Variants in DCUN1D5 observed in about 807,000 individuals in gnomAD.
The protein encoded by DCUN1D5 is defective in cullin neddylation 1 domain containing 5, also known as DCN1-like protein 5.
In DCUN1D5, 10 loss-of-function variants were observed where a neutral mutation model predicts 38.3. The observed-to-expected ratio is 0.26, with a 90% CI of 0.16 to 0.44. The LOEUF is 0.44. Among genes scored for constraint, DCUN1D5 ranks in the 20% least tolerant of loss-of-function variants. DCUN1D5 has a pLI of 1.00. For missense variants in DCUN1D5, 148 were observed against 275.3 expected, an observed-to-expected ratio of 0.54 and a Z score of 3.27; for synonymous variants, 93 against 90.9, an observed-to-expected ratio of 1.02 and a Z score of -0.13.
rs1565281598 is a variant in DCUN1D5, at chr11:103,058,760, A to T, written c.*3599T>A. Among the ~76,000 whole-genome samples the T allele has an allele frequency of 6.6e-6, 1 of 152,072 alleles. No homozygotes were observed. Among genetic ancestry groups the T allele is most frequent in the Non-Finnish European group, 1.5e-5 (1 of 67,998 alleles). On this transcript the variant is annotated 3_prime_UTR_variant, in exon 8 of 8. Transcript: ENST00000260247. ...TTGTTATTCCTCTTTCTCCTGAAAA[A>T]AAAATGATCCTTTCTTTGAAATGTT...
In DCUN1D5 at chr11:103,083,251, C is replaced by A. The variant is rs1862612947; in HGVS notation, c.249+5G>T. On this transcript the variant is annotated splice_donor_5th_base_variant and intron_variant, in intron 3 of 7. Transcript: ENST00000260247. The surrounding 1 kb of genome is among the most constrained non-coding windows in gnomAD (Gnocchi z 4.4). ...TATGCCATTCTACTTAGAAATAAAA[C>A]ATACATTTTCAGGTTCAACACCAAT... 6.6e-7 allele frequency: 1 copy of A among 1,517,574 alleles called. No homozygotes were observed. The highest frequency in any genetic ancestry group is 9.1e-7 in the Non-Finnish European group (1 of 1,094,064). 94.0% of individuals were successfully genotyped at this position (1,517,574 alleles called of 1,614,324 possible). A position where few individuals can be genotyped will look rare whatever the true frequency, so the allele number is the denominator to read the frequency against.
Position 103,083,428 on chromosome 11 carries a change from A to G in DCUN1D5, c.179-102T>C, listed in dbSNP as rs1244987668. Reference sequence around the variant, plus strand: ...ATGAACACACCATAATATTTTGCAAATAATTAAATTTGAATTTTGGCATAG... The same window carrying G: ...ATGAACACACCATAATATTTTGCAAGTAATTAAATTTGAATTTTGGCATAG... On this transcript the variant is annotated intron_variant, in intron 2 of 7. Coordinates refer to ENST00000260247, the MANE Select transcript of DCUN1D5 (RefSeq NM_032299.4). This position sits in a 1 kb window ranked among gnomAD's most constrained non-coding sequence, Gnocchi z 4.4. 1.3e-5 allele frequency: 8 copies of G among 597,694 alleles called. No individual in the cohort carries two copies. The highest frequency in any genetic ancestry group is 2.1e-5 in the Non-Finnish European group (7 of 337,084). The allele number at this position is 597,694 out of a possible 1,614,324, so 37.0% of individuals were successfully genotyped here.
chr11:103,089,203 ATCT>A (rs774656561), intron 2 of DCUN1D5, 21 bp downstream of exon 2: 1 of 1,604,814 alleles, frequency 6.2e-7, no homozygotes, highest in Admixed American at 1.7e-5. Flanking sequence ...TATGACTAGT[ATCT>A]TCTTATATTA....
In DCUN1D5 at chr11:103,073,448, T is replaced by A. The variant is rs912984924; in HGVS notation, c.342-6881A>T. On this transcript the variant is annotated intron_variant, in intron 4 of 7. Coordinates refer to ENST00000260247, the MANE Select transcript of DCUN1D5 (RefSeq NM_032299.4). The surrounding 1 kb of genome is among the most constrained non-coding windows in gnomAD (Gnocchi z 4.2). ...AGAAAAGACTATTCTAAAATTTATA[T>A]GGAAAAGCAAATACACTAGAATACC... 6.6e-6 allele frequency among the ~76,000 whole-genome samples: 1 copy of A among 152,194 alleles called. No individual in the cohort carries two copies.
intron 2 of DCUN1D5, among the ~76,000 whole-genome samples, chr11:103,085,947 T>A (rs1203190781): frequency 6.6e-6 from 1 of 152,204 alleles, no homozygotes. Flanking sequence ...TCAATTACCA[T>A]AGGCCAGTAT....
chr11:103,061,665 C>CTA lies in DCUN1D5; in HGVS notation c.*692_*693dup, dbSNP rs569566415. On this transcript the variant is annotated 3_prime_UTR_variant, in exon 8 of 8. Transcript: ENST00000260247. ...AATGACAGTTAAAAATATAAATATG[C>CTA]TATTATCAACAATAATAATGATGAT... Among the ~76,000 whole-genome samples the CTA allele has an allele frequency of 2.5e-3, 378 of 149,730 alleles. No homozygotes were observed. The highest frequency in any genetic ancestry group is 5.4e-3 in the Admixed American group (81 of 15,044).
rs1264290214 is a variant in DCUN1D5 at position 103,092,087 on chromosome 11, G to C, written c.-215C>G. On this transcript the variant is annotated 5_prime_UTR_variant, in exon 1 of 8. Transcript: ENST00000260247. ...CCGGGACAGGGCTGGCTCCTCGCCG[G>C]TGGACACTGCGGTTCGTTCTCACCG... The C allele has an allele frequency of 5.5e-6, 3 of 549,970 alleles. No homozygotes were observed. The African/African-American group carries it at 5.8e-5, about 11-fold the overall frequency. 34.1% of individuals were successfully genotyped at this position (549,970 alleles called of 1,614,324 possible). A position where few individuals can be genotyped will look rare whatever the true frequency, so the allele number is the denominator to read the frequency against.
intron 4 of DCUN1D5, among the ~76,000 whole-genome samples, chr11:103,067,876 A>G (rs1862171799): frequency 6.6e-6 from 1 of 152,092 alleles, no homozygotes; most frequent in African/African-American, 2.4e-5. Context: ...GTAGTACATA[A>G]GACTCAGAAA....
chr11:103,075,659 G>A (rs1397436099), intron 4 of DCUN1D5, among the ~76,000 whole-genome samples: 7 of 152,216 alleles, frequency 4.6e-5, no homozygotes, highest in Non-Finnish European at 1.0e-4. Context: ...GATTACAGGC[G>A]TGAGCCACCG....
rs921014709 is a variant in DCUN1D5 at position 103,064,628 on chromosome 11, T to C, written c.556-251A>G. Among the ~76,000 whole-genome samples, 1 of 152,194 alleles carries C rather than the reference T, an allele frequency of 6.6e-6. No homozygotes were observed. On this transcript the variant is annotated intron_variant, in intron 6 of 7. Transcript: ENST00000260247. The surrounding 1 kb of genome is among the most constrained non-coding windows in gnomAD (Gnocchi z 4.5). Reference sequence around the variant, plus strand: ...TACTAACAGTAAGGATAAAACTAACTTTTTCATATGTATATACTTGTGTTA... The same window carrying C: ...TACTAACAGTAAGGATAAAACTAACCTTTTCATATGTATATACTTGTGTTA...
At position 103,056,292 on chromosome 11, in the gene DCUN1D5, C is replaced by T. The variant is rs950168750; in HGVS notation, c.*6067G>A. ...TTATTACTCCCAATCTCTCTCAGTT[C>T]ATTTTCTAATTCTCCCTAAAATGCT... On this transcript the variant is annotated 3_prime_UTR_variant, in exon 8 of 8. Coordinates refer to ENST00000260247, the MANE Select transcript of DCUN1D5 (RefSeq NM_032299.4). The surrounding 1 kb of genome is among the most constrained non-coding windows in gnomAD (Gnocchi z 4.9). 6.6e-6 allele frequency among the ~76,000 whole-genome samples: 1 copy of T among 152,296 alleles called. No homozygotes were observed. The highest frequency in any genetic ancestry group is 1.5e-5 in the Non-Finnish European group (1 of 68,020).
Position 103,078,648 on chromosome 11 carries a change from C to T in DCUN1D5, c.341+4100G>A, listed in dbSNP as rs532029820. On this transcript the variant is annotated intron_variant, in intron 4 of 7. Coordinates refer to ENST00000260247, the MANE Select transcript of DCUN1D5 (RefSeq NM_032299.4). The surrounding 1 kb of genome is among the most constrained non-coding windows in gnomAD (Gnocchi z 4.6). The stretch of plus-strand genomic sequence containing the variant: ...CTAAAGCACTCTACAGTGAAGCCAT[C>T]ACTCAAAATATTAGAATTCAAAACC... Among the ~76,000 whole-genome samples the T allele has an allele frequency of 1.3e-4, 20 of 152,306 alleles. No individual in the cohort carries two copies. Among genetic ancestry groups the T allele is most frequent in the African/African-American group, 4.8e-4 (20 of 41,554 alleles).
Position 103,066,059 on chromosome 11 carries a change from G to T in DCUN1D5, c.555+210C>A, listed in dbSNP as rs578048119. Among the ~76,000 whole-genome samples the T allele has an allele frequency of 6.6e-6, 1 of 151,510 alleles. No homozygotes were observed. Among genetic ancestry groups the T allele is most frequent in the Non-Finnish European group, 1.5e-5 (1 of 67,872 alleles). ...AGGTTTCTTTTATTTGGGGGACTGG[G>T]GGGGTAGGATTGAAAATATCTTAGG... On this transcript the variant is annotated intron_variant, in intron 6 of 7. Transcript: ENST00000260247. This position sits in a 1 kb window ranked among gnomAD's most constrained non-coding sequence, Gnocchi z 4.7.
At chr11:103,080,890 TAGTCCCAGCTCG>T (rs1254311855) in intron 4 of DCUN1D5, among the ~76,000 whole-genome samples, 1 of 151,864 alleles carries the variant, frequency 6.6e-6, no homozygotes, top group Non-Finnish European at 1.5e-5. Context: ...CACACGCCCG[TAGTCCCAGCTCG>T]GGAGGCTGAG....
intron 2 of DCUN1D5, 82 bp downstream of exon 2, chr11:103,089,145 T>C (rs190911069): frequency 4.4e-4 from 607 of 1,380,644 alleles, no homozygotes; most frequent in Non-Finnish European, 5.7e-4. Flanking sequence ...AGCAGGCCTG[T>C]AACAGATAAT....
At position 103,053,055 on chromosome 11, in the gene DCUN1D5, T is replaced by A. The variant is rs1241985158; in HGVS notation, c.*9304A>T. On this transcript the variant is annotated 3_prime_UTR_variant, in exon 8 of 8. Transcript: ENST00000260247. This position sits in a 1 kb window ranked among gnomAD's most constrained non-coding sequence, Gnocchi z 4.8. The stretch of plus-strand genomic sequence containing the variant: ...AGGTAAAACTTATTTTGCAATAGGG[T>A]CCTGCTACTTAATTAAAAAAAAACT... The A allele has an allele frequency of 1.3e-5, 2 of 152,124 alleles. No individual in the cohort carries two copies. Among genetic ancestry groups the A allele is most frequent in the Non-Finnish European group, 2.9e-5 (2 of 67,982 alleles). 9.4% of individuals were successfully genotyped at this position (152,124 alleles called of 1,614,324 possible). A position where few individuals can be genotyped will look rare whatever the true frequency, so the allele number is the denominator to read the frequency against.
In DCUN1D5 at chr11:103,086,229, G is replaced by GT. The variant is rs578177799; in HGVS notation, c.179-2904dup. On this transcript the variant is annotated intron_variant, in intron 2 of 7. Coordinates refer to ENST00000260247, the MANE Select transcript of DCUN1D5 (RefSeq NM_032299.4). This position sits in a 1 kb window ranked among gnomAD's most constrained non-coding sequence, Gnocchi z 4.1. ...ACACAGCACCTTCAACATGAGCTAC[G>GT]TAAGAGTCATTAATTTTGGAACACT... is the stretch of plus-strand genomic sequence containing the variant. 3.3e-5 allele frequency among the ~76,000 whole-genome samples: 5 copies of GT among 151,860 alleles called. No homozygotes were observed. The highest frequency in any genetic ancestry group is 2.9e-5 in the Non-Finnish European group (2 of 67,994).
intron 4 of DCUN1D5, among the ~76,000 whole-genome samples, chr11:103,080,901 C>A (rs1393230498): frequency 2.6e-5 from 4 of 151,832 alleles, no homozygotes; most frequent in Non-Finnish European, 5.9e-5. Context: ...AGTCCCAGCT[C>A]GGGAGGCTGA....
intron 1 of DCUN1D5, among the ~76,000 whole-genome samples, chr11:103,090,645 G>A (rs1246093429): frequency 6.6e-6 from 1 of 152,194 alleles, no homozygotes; most frequent in East Asian, 1.9e-4. Flanking sequence ...GGGCGAGGTG[G>A]CTCACTCCTG....
Sources: allele counts gnomAD v4.1 joint callset (sites outside exome capture counted in the v4.1 genomes callset), GRCh38; gene constraint gnomAD v4.1.1; non-coding constraint Gnocchi (gnomAD v3.1); transcripts MANE v1.5; gene names NCBI Gene and HGNC (gene_info 2026-07-23, HGNC 2026-07-21).